The following RFX4 variants were observed in gnomAD, a reference collection of about 807,000 sequenced individuals.
RFX4 encodes regulatory factor X4.
In RFX4, 10 loss-of-function variants were observed where a neutral mutation model predicts 95.0. The ratio of observed to expected loss-of-function variants is 0.11; its 90% confidence interval spans 0.06 to 0.18. The LOEUF (loss-of-function observed/expected upper bound fraction) is 0.18, where lower values mean the gene tolerates loss of function less well. Ranked by LOEUF, RFX4 falls within the 10% of genes least tolerant of loss-of-function variation. The pLI is 1.00. For missense variants in RFX4, 640 were observed against 922.0 expected, an observed-to-expected ratio of 0.69 and a Z score of 3.96; for synonymous variants, 321 against 340.7, an observed-to-expected ratio of 0.94 and a Z score of 0.64.
chr12:106,686,879 C>T lies in RFX4; in HGVS notation c.378-5C>T. On this transcript the variant is annotated splice_region_variant and splice_polypyrimidine_tract_variant and intron_variant, in intron 5 of 17. Coordinates refer to ENST00000392842, the MANE Select transcript of RFX4 (RefSeq NM_213594.3). ...TCTCTCTCCCTCCCTCCCCTTGTGG[C>T]CCAGGTACCATTACTATGGCATTGC... 2 of 1,611,114 alleles carry T rather than the reference C, an allele frequency of 1.2e-6. No individual in the cohort carries two copies. Among genetic ancestry groups the T allele is most frequent in the Non-Finnish European group, 1.7e-6 (2 of 1,177,956 alleles).
intron 2 of RFX4, among the ~76,000 whole-genome samples, chr12:106,620,665 A>G (rs1174978826): frequency 1.3e-5 from 2 of 151,804 alleles, no homozygotes; most frequent in Non-Finnish European, 2.9e-5. Flanking sequence ...ACATCTTAAA[A>G]AACAGAAAAC....
chr12:106,652,962 C>A (rs1245384329), intron 3 of RFX4, among the ~76,000 whole-genome samples: 1 of 152,152 alleles, frequency 6.6e-6, no homozygotes, highest in Non-Finnish European at 1.5e-5. Context: ...GGATGGTTTT[C>A]CAGTCACTTT....
Position 106,713,994 on chromosome 12 carries a change from C to T in RFX4, c.994-1406C>T, listed in dbSNP as rs552142047. Among the ~76,000 whole-genome samples the T allele has an allele frequency of 8.2e-3, 1,145 of 139,454 alleles. 6 individuals are homozygous for T. Among genetic ancestry groups the T allele is most frequent in the Non-Finnish European group, 0.013 (860 of 65,988 alleles). 91.5% of individuals were successfully genotyped at this position (139,454 alleles called of 152,430 possible). ...CTGAGGCAGGAGAATCACTTGAACC[C>T]GGGAGGCAGAGGTTACAGTGAGCCA... On this transcript the variant is annotated intron_variant, in intron 10 of 17. Coordinates refer to ENST00000392842, the MANE Select transcript of RFX4 (RefSeq NM_213594.3).
chr12:106,725,662 C>G (rs934874695), intron 13 of RFX4, among the ~76,000 whole-genome samples: 1 of 151,900 alleles, frequency 6.6e-6, no homozygotes, highest in Non-Finnish European at 1.5e-5. Context: ...AGAACACAAT[C>G]ATGATTTATG....
chr12:106,655,305 A>C (rs2040935083), intron 4 of RFX4, among the ~76,000 whole-genome samples: 1 of 152,226 alleles, frequency 6.6e-6, no homozygotes, highest in Non-Finnish European at 1.5e-5. Context: ...AGGAAAAAAC[A>C]TTTTTGTGTT....
intron 1 of RFX4, among the ~76,000 whole-genome samples, chr12:106,584,191 G>T (rs1348281901): frequency 6.6e-6 from 1 of 152,140 alleles, no homozygotes; most frequent in Non-Finnish European, 1.5e-5. Flanking sequence ...AAAACACCCG[G>T]TATCTCGGTT....
intron 15 of RFX4, among the ~76,000 whole-genome samples, chr12:106,744,933 C>G (rs2042865506): frequency 1.3e-5 from 2 of 152,166 alleles, no homozygotes; most frequent in Non-Finnish European, 2.9e-5. Context: ...CATTGTTGAA[C>G]AGTTCATAGT....
intron 17 of RFX4, among the ~76,000 whole-genome samples, chr12:106,760,201 G>A (rs1184290542): frequency 2.6e-5 from 4 of 152,106 alleles, no homozygotes; most frequent in Non-Finnish European, 5.9e-5. Context: ...TTGTTGATTG[G>A]CTCCTGTCCT....
At chr12:106,612,086 A>G (rs1229849494) in intron 2 of RFX4, among the ~76,000 whole-genome samples, 2 of 152,194 alleles carry the variant, frequency 1.3e-5, no homozygotes, top group Non-Finnish European at 2.9e-5. Context: ...TGGCTATTCA[A>G]AGTCCCTTGA....
intron 2 of RFX4, among the ~76,000 whole-genome samples, chr12:106,625,871 C>G (rs577474835): frequency 6.6e-6 from 1 of 152,234 alleles, no homozygotes; most frequent in African/African-American, 2.4e-5. Flanking sequence ...AACTGAGATT[C>G]AGAGATTATG....
At chr12:106,700,634 C>G (rs1030752020) in intron 8 of RFX4, among the ~76,000 whole-genome samples, 1 of 150,944 alleles carries the variant, frequency 6.6e-6, no homozygotes, top group Admixed American at 6.6e-5. Context: ...TCTCGATCTC[C>G]TGACCTCGTG....
chr12:106,672,531 T>C (rs2041303574), intron 4 of RFX4, among the ~76,000 whole-genome samples: 1 of 152,228 alleles, frequency 6.6e-6, no homozygotes, highest in Non-Finnish European at 1.5e-5. Flanking sequence ...CCTGCCTGTC[T>C]GCTCATTTAT....
chr12:106,672,779 A>AAAAAC (rs1335229893), intron 4 of RFX4, among the ~76,000 whole-genome samples: 2 of 151,394 alleles, frequency 1.3e-5, no homozygotes, highest in African/African-American at 4.9e-5. Context: ...AAAAAAAAAA[A>AAAAAC]AGCCAAACCC....
intron 15 of RFX4, among the ~76,000 whole-genome samples, chr12:106,739,625 G>A (rs1167828262): frequency 1.3e-5 from 2 of 152,000 alleles, no homozygotes; most frequent in Non-Finnish European, 2.9e-5. Flanking sequence ...TTTAAATGGG[G>A]AAAGAAAGGG....
intron 1 of RFX4, among the ~76,000 whole-genome samples, chr12:106,587,636 C>G (rs1049907479): frequency 1.3e-5 from 2 of 152,234 alleles, no homozygotes; most frequent in Non-Finnish European, 1.5e-5. Context: ...CAGCCTCCCC[C>G]CTCACCCGTC....
chr12:106,609,446 T>C (rs1414464272), intron 2 of RFX4, among the ~76,000 whole-genome samples: 1 of 152,210 alleles, frequency 6.6e-6, no homozygotes, highest in Non-Finnish European at 1.5e-5. Flanking sequence ...TTGTATTTTT[T>C]CCCTTAAACA....
chr12:106,631,994 G>A (rs1028260175), intron 2 of RFX4, among the ~76,000 whole-genome samples: 2 of 152,188 alleles, frequency 1.3e-5, no homozygotes, highest in African/African-American at 4.8e-5. Flanking sequence ...TAATACTCAT[G>A]ACAGCTGTAT....
chr12:106,744,185 A>C (rs895268133), intron 15 of RFX4, among the ~76,000 whole-genome samples: 5 of 152,150 alleles, frequency 3.3e-5, no homozygotes, highest in Non-Finnish European at 1.5e-5. Context: ...CATTTTGGGG[A>C]TCTTCCCTTC....
intron 11 of RFX4, among the ~76,000 whole-genome samples, chr12:106,715,996 G>A (rs2042281736): frequency 6.6e-6 from 1 of 152,128 alleles, no homozygotes. Flanking sequence ...AGAAGCAGGT[G>A]GATGGTATTT....
Sources: allele counts gnomAD v4.1 joint callset (sites outside exome capture counted in the v4.1 genomes callset), GRCh38; gene constraint gnomAD v4.1.1; transcripts MANE v1.5; gene names NCBI Gene and HGNC (gene_info 2026-07-23, HGNC 2026-07-21).